Variants in GPR89A observed in about 807,000 individuals in gnomAD.
GPR89A encodes G protein-coupled receptor 89A.
GPR89A carries 16 observed loss-of-function variants against 52.0 expected under a neutral mutation model. The observed-to-expected ratio is 0.31, with a 90% CI of 0.21 to 0.47. GPR89A has a LOEUF of 0.47. Among genes scored for constraint, GPR89A ranks in the 20% least tolerant of loss-of-function variants. The probability of loss-of-function intolerance (pLI) is 1.00; values close to 1 mark genes in which losing one functional copy is unlikely to be tolerated. For synonymous variants in GPR89A, 55 were observed against 150.9 expected (o/e 0.36, Z 4.66); for missense variants, 135 against 449.4 (o/e 0.30, Z 6.33).
chr1:145,670,548 T>G lies in GPR89A; in HGVS notation c.*508T>G, dbSNP rs1652931070. On this transcript the variant is annotated 3_prime_UTR_variant, in exon 14 of 14. Transcript: ENST00000313835. ...CTAACATCAGTTAGCATCCCACACC[T>G]CCTCATCTGATCCTGCCCCATTAAA... 1 of 232,008 alleles carries G rather than the reference T, an allele frequency of 4.3e-6. No individual in the cohort carries two copies. The highest frequency in any genetic ancestry group is 8.5e-6 in the Non-Finnish European group (1 of 117,788). 14.4% of individuals were successfully genotyped at this position (232,008 alleles called of 1,614,324 possible).
chr1:145,635,757 A>G (rs1256933374), intron 7 of GPR89A, among the ~76,000 whole-genome samples: 1 of 152,216 alleles, frequency 6.6e-6, no homozygotes, highest in South Asian at 2.1e-4. Context: ...TCATGAGTTC[A>G]AGACCAGCCT....
intron 1 of GPR89A, 157 bp downstream of exon 1, chr1:145,608,332 C>G (rs1332453077): frequency 1.7e-6 from 2 of 1,187,208 alleles, no homozygotes; most frequent in Non-Finnish European, 2.4e-6. Context: ...CGATTTGCTG[C>G]GGCCGGTTCC....
At chr1:145,645,447 G>A (rs1269001126) in intron 8 of GPR89A, 2 of 386,838 alleles carry the variant, frequency 5.2e-6, no homozygotes, top group Middle Eastern at 9.0e-4. Flanking sequence ...TGTTAGTAAT[G>A]AGTTAACAAA....
intron 10 of GPR89A, among the ~76,000 whole-genome samples, chr1:145,659,647 C>A (rs1481498977): frequency 1.5e-5 from 2 of 136,062 alleles, no homozygotes; most frequent in South Asian, 2.6e-4. Context: ...TGTTTTGGTA[C>A]CAGTACCATG....
intron 10 of GPR89A, among the ~76,000 whole-genome samples, chr1:145,656,462 C>T (rs1291351771): frequency 4.6e-5 from 7 of 152,134 alleles, no homozygotes; most frequent in Admixed American, 2.6e-4. Context: ...CCTGCTTTTC[C>T]TCGCTCTCCG....
chr1:145,626,949 C>CAA (rs1559030224), intron 5 of GPR89A, among the ~76,000 whole-genome samples: 5 of 126,604 alleles, frequency 3.9e-5, no homozygotes, highest in South Asian at 5.1e-4. Flanking sequence ...CGAGACTCTA[C>CAA]AAAAAAAAAA....
At chr1:145,617,383 T>C (rs1553687220) in intron 2 of GPR89A, among the ~76,000 whole-genome samples, 1 of 152,126 alleles carries the variant, frequency 6.6e-6, no homozygotes, top group African/African-American at 2.4e-5. Context: ...TAATTTCATA[T>C]TGTTCAAACA....
At chr1:145,656,622 T>G (rs1186132671) in intron 10 of GPR89A, among the ~76,000 whole-genome samples, 1 of 152,182 alleles carries the variant, frequency 6.6e-6, no homozygotes, top group Non-Finnish European at 1.5e-5. Context: ...CCCCCGACCT[T>G]GCCAGTGTTT....
intron 7 of GPR89A, among the ~76,000 whole-genome samples, chr1:145,635,266 C>T (rs1223834720): frequency 3.9e-5 from 6 of 152,062 alleles, no homozygotes; most frequent in Admixed American, 2.6e-4. Context: ...AGTAGCCGGG[C>T]GTGGTGGTGG....
intron 10 of GPR89A, among the ~76,000 whole-genome samples, chr1:145,657,557 G>C (rs1388118039): frequency 6.6e-6 from 1 of 152,196 alleles, no homozygotes; most frequent in Admixed American, 6.6e-5. Flanking sequence ...TATGTGTGGA[G>C]ATGTTGTTAT....
chr1:145,608,283 C>G, intron 1 of GPR89A, 108 bp downstream of exon 1: 1 of 1,457,796 alleles, frequency 6.9e-7, no homozygotes, highest in Admixed American at 1.7e-5. Context: ...CTCTCTTACG[C>G]GTCCTGCGCT....
chr1:145,666,817 C>T (rs1417725493), intron 12 of GPR89A, among the ~76,000 whole-genome samples: 5 of 150,150 alleles, frequency 3.3e-5, no homozygotes, highest in African/African-American at 1.2e-4. Flanking sequence ...GGCTTTTTGT[C>T]CTTGCGATAG....
intron 12 of GPR89A, among the ~76,000 whole-genome samples, chr1:145,668,352 T>C (rs1553696836): frequency 6.6e-6 from 1 of 152,194 alleles, no homozygotes; most frequent in Non-Finnish European, 1.5e-5. Flanking sequence ...GGGCGTTCAC[T>C]CATGATTTGG....
intron 1 of GPR89A, 94 bp from the exon 2 acceptor site, chr1:145,616,140 G>A (rs1215375793): frequency 2.1e-5 from 15 of 731,030 alleles, no homozygotes; most frequent in Admixed American, 7.5e-5. Flanking sequence ...TAAGTTAACC[G>A]TCTAGTTAGC....
chr1:145,617,091 C>G (rs1264384233), intron 2 of GPR89A, among the ~76,000 whole-genome samples: 2 of 152,118 alleles, frequency 1.3e-5, no homozygotes, highest in Non-Finnish European at 2.9e-5. Context: ...CCTAGTAAGT[C>G]TGAGGGCACT....
chr1:145,610,046 C>T (rs1284294022), intron 1 of GPR89A, among the ~76,000 whole-genome samples: 2 of 152,092 alleles, frequency 1.3e-5, no homozygotes, highest in Admixed American at 1.3e-4. Context: ...TGTTTGTTAT[C>T]TGTCCATGAG....
At chr1:145,655,703 G>A (rs1217541735) in intron 10 of GPR89A, among the ~76,000 whole-genome samples, 11 of 152,142 alleles carry the variant, frequency 7.2e-5, no homozygotes, top group Admixed American at 2.0e-4. Flanking sequence ...ACCTGATGCC[G>A]GCAGGAACGT....
rs1230415403 is a variant in GPR89A at position 145,608,269 on chromosome 1, G to T, written c.42+94G>T. 1.0e-5 allele frequency: 16 copies of T among 1,537,288 alleles called. No homozygotes were observed. The South Asian group carries it at 1.6e-4, about 15-fold the overall frequency. ...GCGGTGCGGGCTGGTCCGGGGTCTC[G>T]CTCCTCTCTTACGCGTCCTGCGCTA... On this transcript the variant is annotated intron_variant, in intron 1 of 13. Coordinates refer to ENST00000313835, the MANE Select transcript of GPR89A (RefSeq NM_001097612.2).
At chr1:145,635,262 C>T (rs1284372963) in intron 7 of GPR89A, among the ~76,000 whole-genome samples, 1 of 152,016 alleles carries the variant, frequency 6.6e-6, no homozygotes, top group Non-Finnish European at 1.5e-5. Context: ...AAAAAGTAGC[C>T]GGGCGTGGTG....
Sources: allele counts gnomAD v4.1 joint callset (sites outside exome capture counted in the v4.1 genomes callset), GRCh38; gene constraint gnomAD v4.1.1; transcripts MANE v1.5; gene names NCBI Gene and HGNC (gene_info 2026-07-23, HGNC 2026-07-21).